The following TRAPPC9 variants were observed in gnomAD, a reference collection of about 807,000 sequenced individuals.
The protein encoded by TRAPPC9 is trafficking protein particle complex subunit 9.
A neutral mutation model predicts 124.0 loss-of-function variants in TRAPPC9; 83 were observed. The observed-to-expected ratio is 0.67, with a 90% CI of 0.56 to 0.80. TRAPPC9 has a LOEUF of 0.80. TRAPPC9 is among the 30% of genes least tolerant of loss of function. The probability of loss-of-function intolerance (pLI) is 0.00; values close to 1 mark genes in which losing one functional copy is unlikely to be tolerated. For missense variants in TRAPPC9, 1,302 were observed against 1,508.3 expected, an observed-to-expected ratio of 0.86 and a Z score of 2.27; for synonymous variants, 638 against 617.5, an observed-to-expected ratio of 1.03 and a Z score of -0.49.
rs2071452707 is a variant in TRAPPC9, at chr8:140,451,277, T to C, written c.97A>G (p.Arg33Gly). The change falls in exon 2 of 23, where the codon AGG becomes GGG. Residue 33 changes from arginine (R) to glycine (G), a missense_variant. This residue lies in a region of TRAPPC9 where 657 missense variants were observed against 811.2 expected (regional missense o/e 0.81). Transcript: ENST00000438773. ...ACAGAGCAAATCCTCTTATAGATCC[T>C]GAAGAAGTTCTCCTCGGAGACGATG... ...VGIVSEENFFRIYKRICSVSQ... is the reference protein window; with the variant it reads ...VGIVSEENFFGIYKRICSVSQ... 1 of 1,612,328 alleles carries C rather than the reference T, an allele frequency of 6.2e-7. No individual in the cohort carries two copies. The highest frequency in any genetic ancestry group is 1.3e-5 in the African/African-American group (1 of 74,936).
At chr8:140,316,097 G>A (rs1456474382) in intron 9 of TRAPPC9, among the ~76,000 whole-genome samples, 1 of 152,064 alleles carries the variant, frequency 6.6e-6, no homozygotes, top group Non-Finnish European at 1.5e-5. Context: ...AACTCTACCA[G>A]GTGCTGTTGA....
intron 17 of TRAPPC9, among the ~76,000 whole-genome samples, chr8:140,080,391 G>T (rs774442678): frequency 8.5e-5 from 13 of 152,214 alleles, no homozygotes; most frequent in Non-Finnish European, 1.8e-4. Flanking sequence ...GTAAAGAAAA[G>T]AGGTTTATTT....
intron 17 of TRAPPC9, among the ~76,000 whole-genome samples, chr8:140,042,205 A>ATG (rs57584807): frequency 0.027 from 4,089 of 149,582 alleles, 87 homozygotes; most frequent in African/African-American, 0.067. Context: ...AAAAAAGTGT[A>ATG]TGTGTGTGTG....
At chr8:139,853,684 T>C (rs1827633928) in intron 21 of TRAPPC9, among the ~76,000 whole-genome samples, 1 of 152,076 alleles carries the variant, frequency 6.6e-6, no homozygotes, top group Admixed American at 6.5e-5. Context: ...GGGCCAATGA[T>C]GGCTGGACCC....
At position 140,444,867 on chromosome 8, in the gene TRAPPC9, G is replaced by GA. The variant is rs71320363; in HGVS notation, c.585-5671dup. Among the ~76,000 whole-genome samples the GA allele has an allele frequency of 2.6e-3, 292 of 113,876 alleles. 1 individual carries two copies. Among genetic ancestry groups the GA allele is most frequent in the Middle Eastern group, 4.5e-3 (1 of 220 alleles). 74.7% of individuals were successfully genotyped at this position (113,876 alleles called of 152,430 possible). ...AACAAGAGTGAAACTCCAATCTCAGGAAAAAAAAAAAAAACAGGATCTGGG... is the reference window on the plus strand; with the variant it reads ...AACAAGAGTGAAACTCCAATCTCAGGAAAAAAAAAAAAAAACAGGATCTGGG... On this transcript the variant is annotated intron_variant, in intron 2 of 22. Coordinates refer to ENST00000438773, the MANE Select transcript of TRAPPC9 (RefSeq NM_001160372.4).
chr8:140,180,778 C>G (rs1377341266), intron 17 of TRAPPC9, among the ~76,000 whole-genome samples: 2 of 151,366 alleles, frequency 1.3e-5, no homozygotes, highest in African/African-American at 4.9e-5. Flanking sequence ...CAGTTTTGTT[C>G]CCATGTAATT....
At chr8:139,822,734 T>A (rs968812402) in intron 21 of TRAPPC9, among the ~76,000 whole-genome samples, 11 of 152,292 alleles carry the variant, frequency 7.2e-5, no homozygotes, top group Admixed American at 5.9e-4. Context: ...CGCTGACACA[T>A]GGAGTCTTCA....
rs560729051 is a variant in TRAPPC9, at chr8:139,789,476, C to A, written c.3056-57274G>T. ...CTGTTTAGATGTGGCCTCATCCCCC[C>A]CCAGGATATCTACATCTCAGACCTC... On this transcript the variant is annotated intron_variant, in intron 21 of 22. Coordinates refer to ENST00000438773, the MANE Select transcript of TRAPPC9 (RefSeq NM_001160372.4). 8.5e-5 allele frequency among the ~76,000 whole-genome samples: 13 copies of A among 152,304 alleles called. No individual in the cohort carries two copies. The South Asian group carries it at 1.5e-3, about 17-fold the overall frequency.
In TRAPPC9 at chr8:140,144,036, C is replaced by T. The variant is rs1449388780; in HGVS notation, c.2556+77423G>A. On this transcript the variant is annotated intron_variant, in intron 17 of 22. Transcript: ENST00000438773. ...TGATTTGGGGCTTTCTATTCTCTTTCATTTGTCTATTTGTCAAATAAATAA... is the reference window on the plus strand; with the variant it reads ...TGATTTGGGGCTTTCTATTCTCTTTTATTTGTCTATTTGTCAAATAAATAA... Among the ~76,000 whole-genome samples, 6 of 152,204 alleles carry T rather than the reference C, an allele frequency of 3.9e-5. 1 individual carries two copies. The highest frequency in any genetic ancestry group is 2.9e-5 in the Non-Finnish European group (2 of 68,026).
intron 21 of TRAPPC9, among the ~76,000 whole-genome samples, chr8:139,764,359 A>G (rs1820438368): frequency 6.6e-6 from 1 of 152,176 alleles, no homozygotes; most frequent in Non-Finnish European, 1.5e-5. Flanking sequence ...ATGCCACAAC[A>G]TCTTTGCTGA....
chr8:140,275,485 C>T (rs773757110), intron 15 of TRAPPC9, among the ~76,000 whole-genome samples, 173 bp downstream of exon 15: 1 of 152,216 alleles, frequency 6.6e-6, no homozygotes, highest in African/African-American at 2.4e-5. Context: ...CAAGCCTCCC[C>T]AAGGCTCCTG....
At chr8:139,760,222 G>A (rs564120217) in intron 21 of TRAPPC9, among the ~76,000 whole-genome samples, 18 of 152,232 alleles carry the variant, frequency 1.2e-4, no homozygotes, top group East Asian at 3.9e-4. Context: ...TGGACCCTTC[G>A]CTCTCCATCC....
chr8:139,735,293 G>A (rs541497828), intron 21 of TRAPPC9, among the ~76,000 whole-genome samples: 79 of 152,306 alleles, frequency 5.2e-4, no homozygotes, highest in African/African-American at 1.9e-3. Context: ...GCTGTGAGGA[G>A]CTCAGTCACA....
At chr8:139,990,053 T>G (rs534948634) in intron 18 of TRAPPC9, among the ~76,000 whole-genome samples, 47 of 152,306 alleles carry the variant, frequency 3.1e-4, no homozygotes, top group African/African-American at 1.0e-3. Context: ...GAAAAAGATC[T>G]GTGCTCTGGG....
chr8:139,735,224 C>A (rs1342408278), intron 21 of TRAPPC9, among the ~76,000 whole-genome samples: 2 of 152,192 alleles, frequency 1.3e-5, no homozygotes, highest in Admixed American at 1.3e-4. Flanking sequence ...GCCTCCGTTT[C>A]CTCTTCTGTA....
In TRAPPC9 at chr8:139,777,819, C is replaced by T. The variant is rs532306223; in HGVS notation, c.3056-45617G>A. 6.2e-4 allele frequency among the ~76,000 whole-genome samples: 95 copies of T among 152,258 alleles called. 1 individual carries two copies. The highest frequency in any genetic ancestry group is 2.2e-3 in the African/African-American group (91 of 41,542). On this transcript the variant is annotated intron_variant, in intron 21 of 22. Transcript: ENST00000438773. ...GAGAAAAGACACAAATGAAGTGAGC[C>T]CTAGAATCATCCCAGCTCATTGTGA...
intron 7 of TRAPPC9, among the ~76,000 whole-genome samples, chr8:140,397,110 T>C (rs1235500442): frequency 6.6e-6 from 1 of 152,236 alleles, no homozygotes; most frequent in African/African-American, 2.4e-5. Context: ...CTTCTAAGAC[T>C]ATCAATTTTA....
At position 139,923,615 on chromosome 8, in the gene TRAPPC9, G is replaced by A. The variant is rs533830109; in HGVS notation, c.2811-13315C>T. Among the ~76,000 whole-genome samples, 27 of 152,182 alleles carry A rather than the reference G, an allele frequency of 1.8e-4. No individual in the cohort carries two copies. In the East Asian group the frequency reaches 2.3e-3, roughly 13 times the overall value. ...CTGTGCTTCTAGTGGCTTCCCTGAC[G>A]AAGCACGTCTGAGGAGGCCAGCACT... On this transcript the variant is annotated intron_variant, in intron 19 of 22. Transcript: ENST00000438773.
At chr8:140,218,708 C>T (rs1056037627) in intron 17 of TRAPPC9, among the ~76,000 whole-genome samples, 3 of 151,992 alleles carry the variant, frequency 2.0e-5, no homozygotes, top group Non-Finnish European at 2.9e-5. Flanking sequence ...ATCTGTAATC[C>T]CAGCACTTTG....
Sources: gnomAD v4.1 joint callset for allele counts (sites outside exome capture counted in the v4.1 genomes callset) on GRCh38, gnomAD v4.1.1 for gene constraint, gnomAD v4.1.1 regional missense constraint, MANE v1.5 for transcripts, NCBI Gene and HGNC (gene_info 2026-07-23, HGNC 2026-07-21) for gene names.